The following EXOC4 variants were observed in gnomAD, a reference collection of about 807,000 sequenced individuals.
The protein encoded by EXOC4 is SEC8-like 1.
Under a neutral mutation model 107.2 loss-of-function variants are expected in EXOC4, and 71 were observed. The ratio of observed to expected loss-of-function variants is 0.66; its 90% CI spans 0.55 to 0.81. The LOEUF is 0.81. EXOC4 is among the 30% of genes least tolerant of loss of function. The pLI, the probability that EXOC4 is intolerant of heterozygous loss-of-function variation, is 0.00. For missense variants in EXOC4, 1,108 were observed against 1,189.6 expected (o/e 0.93, Z 1.01); for synonymous variants, 456 against 441.2 (o/e 1.03, Z -0.42).
chr7:133,363,737 T>G (rs1796185100), intron 6 of EXOC4, among the ~76,000 whole-genome samples: 1 of 152,192 alleles, frequency 6.6e-6, no homozygotes, highest in Non-Finnish European at 1.5e-5. Context: ...ATAACTTTAT[T>G]TAGATGGCAG....
rs1450859805 is a variant in EXOC4 at position 133,894,881 on chromosome 7, T to C, written c.1735-718T>C. On this transcript the variant is annotated intron_variant, in intron 11 of 17. Coordinates refer to ENST00000253861, the MANE Select transcript of EXOC4 (RefSeq NM_021807.4). The stretch of plus-strand genomic sequence containing the variant: ...TCTGCAGAGTTTACTGCTGTCTTTT[T>C]GTTTGTCTGTGCCCTGCCCCCAGAG... Among the ~76,000 whole-genome samples, 3 of 85,652 alleles carry C rather than the reference T, an allele frequency of 3.5e-5. 1 individual carries two copies. Among genetic ancestry groups the C allele is most frequent in the Non-Finnish European group, 6.2e-5 (3 of 48,144 alleles). The allele number at this position is 85,652 out of a possible 152,430, so 56.2% of individuals were successfully genotyped here.
intron 4 of EXOC4, among the ~76,000 whole-genome samples, chr7:133,314,607 T>G (rs933082051): frequency 6.6e-6 from 1 of 152,174 alleles, no homozygotes; most frequent in African/African-American, 2.4e-5. Flanking sequence ...AGAAAATAAT[T>G]GTAGGATTTA....
chr7:133,374,929 C>T lies in EXOC4; in HGVS notation c.1109C>T (p.Pro370Leu), dbSNP rs1010602343. 1.1e-5 allele frequency: 17 copies of T among 1,614,046 alleles called. No individual in the cohort carries two copies. The highest frequency in any genetic ancestry group is 1.4e-5 in the Non-Finnish European group (17 of 1,179,928). ...LGYLQDTVVTPLTQQEDIKLY... is the reference protein window; with the variant it reads ...LGYLQDTVVTLLTQQEDIKLY... ...TACCTGCAGGACACTGTAGTGACTC[C>T]ACTGACTCAGCAGGAAGATATCAAA... Residue 370 changes from proline to leucine, a missense_variant, in exon 7 of 18, where the codon CCA becomes CTA. Pro to Leu is a moderately conservative substitution (Grantham distance 98). Coordinates refer to ENST00000253861, the MANE Select transcript of EXOC4 (RefSeq NM_021807.4).
chr7:133,260,514 C>A (rs1584756923), intron 1 of EXOC4, among the ~76,000 whole-genome samples: 1 of 152,110 alleles, frequency 6.6e-6, no homozygotes, highest in Admixed American at 6.6e-5. Flanking sequence ...CCTCAAGTGA[C>A]CCACTTGCCT....
intron 9 of EXOC4, among the ~76,000 whole-genome samples, chr7:133,616,892 T>C (rs1161285049): frequency 1.3e-5 from 2 of 152,130 alleles, no homozygotes; most frequent in Admixed American, 1.3e-4. Flanking sequence ...GGACAGAATA[T>C]ATTGTAAAGG....
chr7:134,042,493 A>T (rs1218331264), intron 17 of EXOC4, among the ~76,000 whole-genome samples: 1 of 151,436 alleles, frequency 6.6e-6, no homozygotes, highest in Admixed American at 6.6e-5. Context: ...AAAAAAAAGG[A>T]AAGTGAAAGG....
At chr7:133,626,078 G>A (rs1031467417) in intron 9 of EXOC4, among the ~76,000 whole-genome samples, 11 of 152,006 alleles carry the variant, frequency 7.2e-5, no homozygotes, top group South Asian at 2.1e-4. Flanking sequence ...ATGTTGGTGC[G>A]TGCCTGTAAT....
intron 9 of EXOC4, among the ~76,000 whole-genome samples, chr7:133,611,277 T>C (rs1034234109): frequency 3.9e-5 from 6 of 152,142 alleles, no homozygotes; most frequent in African/African-American, 1.4e-4. Flanking sequence ...TCAGAAGGTA[T>C]AGACCTTGTG....
At chr7:134,053,919 G>A (rs1795861205) in intron 17 of EXOC4, among the ~76,000 whole-genome samples, 1 of 146,252 alleles carries the variant, frequency 6.8e-6, no homozygotes, top group African/African-American at 2.6e-5. Flanking sequence ...CTCTATAGCT[G>A]GTACTTTTTA....
In EXOC4 at chr7:133,626,178, G is replaced by A. The variant is rs542292829; in HGVS notation, c.1418-3867G>A. ...ACTGAGATCTCACCAGTGTACACCAGCCTAGGGAACAGAGCAAGACTCCAT... is the reference window on the plus strand; with the variant it reads ...ACTGAGATCTCACCAGTGTACACCAACCTAGGGAACAGAGCAAGACTCCAT... On this transcript the variant is annotated intron_variant, in intron 9 of 17. Transcript: ENST00000253861. 7.9e-5 allele frequency among the ~76,000 whole-genome samples: 12 copies of A among 152,044 alleles called. 1 individual carries two copies. In the South Asian group the frequency reaches 1.7e-3, roughly 21 times the overall value.
chr7:133,358,552 G>C (rs1796073093), intron 6 of EXOC4, among the ~76,000 whole-genome samples: 1 of 152,034 alleles, frequency 6.6e-6, no homozygotes. Flanking sequence ...TCTTTGCCTG[G>C]CACCTGGATT....
chr7:133,276,781 A>G, intron 2 of EXOC4, among the ~76,000 whole-genome samples: 1 of 152,090 alleles, frequency 6.6e-6, no homozygotes, highest in East Asian at 1.9e-4. Context: ...TGGCATCTTC[A>G]TGTTTTGTTT....
chr7:133,683,301 C>T (rs1425263864), intron 10 of EXOC4, among the ~76,000 whole-genome samples: 3 of 152,124 alleles, frequency 2.0e-5, no homozygotes, highest in African/African-American at 7.2e-5. Context: ...CTTGTTTGCT[C>T]TGCTTGGGCC....
chr7:133,986,545 A>G (rs1380561367), intron 14 of EXOC4, among the ~76,000 whole-genome samples: 5 of 152,248 alleles, frequency 3.3e-5, no homozygotes, highest in Admixed American at 6.5e-5. Flanking sequence ...TAGTTCAAGA[A>G]GAAAGGACAT....
intron 11 of EXOC4, among the ~76,000 whole-genome samples, chr7:133,834,350 C>A (rs906072158): frequency 2.0e-5 from 3 of 152,194 alleles, no homozygotes; most frequent in African/African-American, 7.2e-5. Flanking sequence ...TTCCTCTCCA[C>A]TTCCTTTTAA....
In EXOC4 at chr7:133,595,108, G is replaced by A. The variant is rs73446936; in HGVS notation, c.1418-34937G>A. 9.4e-3 allele frequency among the ~76,000 whole-genome samples: 1,435 copies of A among 152,100 alleles called. 30 individuals are homozygous for A. The highest frequency in any genetic ancestry group is 0.033 in the African/African-American group (1,380 of 41,488). On this transcript the variant is annotated intron_variant, in intron 9 of 17. Coordinates refer to ENST00000253861, the MANE Select transcript of EXOC4 (RefSeq NM_021807.4). Reference sequence around the variant, plus strand: ...TGGATGGAGGAGTGTAGGTAATGGGGAGAGTAGGTGGATGAAATCAGAGAG... The same window carrying A: ...TGGATGGAGGAGTGTAGGTAATGGGAAGAGTAGGTGGATGAAATCAGAGAG...
At chr7:134,080,471 T>C in the EXOC4 span, among the ~76,000 whole-genome samples, 2 of 152,090 alleles carry the variant, frequency 1.3e-5, no homozygotes, top group African/African-American at 4.8e-5. Flanking sequence ...CTAAGGAGTT[T>C]TAAGCAAGTA....
At chr7:133,414,807 T>C (rs1797437987) in intron 7 of EXOC4, among the ~76,000 whole-genome samples, 1 of 152,168 alleles carries the variant, frequency 6.6e-6, no homozygotes, top group Non-Finnish European at 1.5e-5. Flanking sequence ...ATTCAAAGTA[T>C]ACAATTCAAT....
chr7:133,339,780 A>C (rs1325815786), intron 5 of EXOC4, among the ~76,000 whole-genome samples: 1 of 152,110 alleles, frequency 6.6e-6, no homozygotes, highest in Non-Finnish European at 1.5e-5. Flanking sequence ...TTATTGTAAA[A>C]CAGGTTGAGT....
Sources: gnomAD v4.1 joint callset for allele counts (sites outside exome capture counted in the v4.1 genomes callset) on GRCh38, gnomAD v4.1.1 for gene constraint, MANE v1.5 for transcripts, NCBI Gene and HGNC (gene_info 2026-07-23, HGNC 2026-07-21) for gene names.